The following DERA variants were observed in gnomAD, a reference collection of about 807,000 sequenced individuals.
DERA encodes the protein deoxyribose-phosphate aldolase, also known as 2-deoxy-D-ribose 5-phosphate aldolase.
In DERA, 15 loss-of-function variants were observed where a neutral mutation model predicts 41.1. The observed-to-expected ratio is 0.37, with a 90% CI of 0.24 to 0.56. The LOEUF is 0.56. DERA is among the 20% of genes least tolerant of loss of function. The pLI is 0.81. For missense variants in DERA, 396 were observed against 403.4 expected, an observed-to-expected ratio of 0.98 and a Z score of 0.16; for synonymous variants, 139 against 137.4, an observed-to-expected ratio of 1.01 and a Z score of -0.08.
rs951770002 is a variant in DERA, at chr12:16,019,468, T to C, written c.638-13074T>C. On this transcript the variant is annotated intron_variant, in intron 6 of 8. Coordinates refer to ENST00000428559, the MANE Select transcript of DERA (RefSeq NM_015954.4). This position sits in a 1 kb window ranked among gnomAD's most constrained non-coding sequence, Gnocchi z 4.4. ...CAATGTCTGTGGGTTCAAAGCTCTC[T>C]ATAATATTTTCCTAAGGGATATTTA... Among the ~76,000 whole-genome samples, 2 of 152,220 alleles carry C rather than the reference T, an allele frequency of 1.3e-5. No homozygotes were observed. The highest frequency in any genetic ancestry group is 2.4e-5 in the African/African-American group (1 of 41,448).
At position 15,996,590 on chromosome 12, in the gene DERA, C is replaced by T. The variant is rs1298065390; in HGVS notation, c.637+14154C>T. Among the ~76,000 whole-genome samples the T allele has an allele frequency of 6.6e-6, 1 of 152,154 alleles. No individual in the cohort carries two copies. The highest frequency in any genetic ancestry group is 1.5e-5 in the Non-Finnish European group (1 of 68,036). On this transcript the variant is annotated intron_variant, in intron 6 of 8. Coordinates refer to ENST00000428559, the MANE Select transcript of DERA (RefSeq NM_015954.4). The surrounding 1 kb of genome is among the most constrained non-coding windows in gnomAD (Gnocchi z 4.7). ...AATGGCCCACCTTACTCAGTATGAC[C>T]TTATCTTAACTAATGACATCTTCAG...
Position 15,998,564 on chromosome 12 carries a change from G to A in DERA, c.637+16128G>A, listed in dbSNP as rs1948854732. 6.6e-6 allele frequency among the ~76,000 whole-genome samples: 1 copy of A among 152,054 alleles called. No individual in the cohort carries two copies. The highest frequency in any genetic ancestry group is 1.5e-5 in the Non-Finnish European group (1 of 68,012). On this transcript the variant is annotated intron_variant, in intron 6 of 8. Coordinates refer to ENST00000428559, the MANE Select transcript of DERA (RefSeq NM_015954.4). This position sits in a 1 kb window ranked among gnomAD's most constrained non-coding sequence, Gnocchi z 4.8. ...ACTCCTGACCTCAGGTGATCCGCCT[G>A]CCTCAGCCTCCCAATGTGCTGGAAT... is the stretch of plus-strand genomic sequence containing the variant.
chr12:15,995,416 T>TAAAA lies in DERA; in HGVS notation c.637+12980_637+12981insAAAA, dbSNP rs1565608714. Among the ~76,000 whole-genome samples the TAAAA allele has an allele frequency of 2.6e-5, 4 of 152,060 alleles. No homozygotes were observed. The highest frequency in any genetic ancestry group is 7.3e-5 in the African/African-American group (3 of 41,374). ...AGAGCTAAAAGATCTCTTCTCAGGC[T>TAAAA]GCTTCCACTGTTATTTGTGTTTAGC... On this transcript the variant is annotated intron_variant, in intron 6 of 8. Transcript: ENST00000428559. The surrounding 1 kb of genome is among the most constrained non-coding windows in gnomAD (Gnocchi z 5.1).
chr12:16,029,367 C>T (rs1209186754), intron 6 of DERA, among the ~76,000 whole-genome samples: 1 of 152,080 alleles, frequency 6.6e-6, no homozygotes, highest in Non-Finnish European at 1.5e-5. Flanking sequence ...AGCTTGCTTG[C>T]AGTGAGCCGA....
intron 5 of DERA, among the ~76,000 whole-genome samples, chr12:15,969,770 G>C (rs1354651836): frequency 6.6e-6 from 1 of 152,146 alleles, no homozygotes; most frequent in Non-Finnish European, 1.5e-5. Flanking sequence ...ATGGTAGAAA[G>C]AACATCTCAA....
chr12:16,020,601 G>A lies in DERA; in HGVS notation c.638-11941G>A, dbSNP rs1949012094. Among the ~76,000 whole-genome samples the A allele has an allele frequency of 6.6e-6, 1 of 152,224 alleles. No homozygotes were observed. The highest frequency in any genetic ancestry group is 1.5e-5 in the Non-Finnish European group (1 of 68,046). The stretch of plus-strand genomic sequence containing the variant: ...AGCAGCTTTGGAACTGGGTAATGGA[G>A]AGGTTGGAAGAGTTTGGAGGGCCCA... On this transcript the variant is annotated intron_variant, in intron 6 of 8. Transcript: ENST00000428559. This position sits in a 1 kb window ranked among gnomAD's most constrained non-coding sequence, Gnocchi z 5.5.
rs1592016787 is a variant in DERA, at chr12:15,954,424, G to A, written c.32-2512G>A. ...TTTCATGGAAGCACGAAGAAGCAAAGGGATGTCTCAACCTGTGAGGTTCAG... is the reference window on the plus strand; with the variant it reads ...TTTCATGGAAGCACGAAGAAGCAAAAGGATGTCTCAACCTGTGAGGTTCAG... On this transcript the variant is annotated intron_variant, in intron 1 of 8. Transcript: ENST00000428559. The surrounding 1 kb of genome is among the most constrained non-coding windows in gnomAD (Gnocchi z 4.0). Among the ~76,000 whole-genome samples the A allele has an allele frequency of 6.6e-6, 1 of 152,194 alleles. No homozygotes were observed. The highest frequency in any genetic ancestry group is 2.4e-5 in the African/African-American group (1 of 41,452).
intron 1 of DERA, among the ~76,000 whole-genome samples, chr12:15,920,610 G>A (rs1459221580): frequency 6.6e-6 from 1 of 152,070 alleles, no homozygotes; most frequent in African/African-American, 2.4e-5. Flanking sequence ...TGAGGCGGGC[G>A]GATCATGAGA....
rs1338445308 is a variant in DERA, at chr12:15,989,329, A to G, written c.637+6893A>G. On this transcript the variant is annotated intron_variant, in intron 6 of 8. Transcript: ENST00000428559. This position sits in a 1 kb window ranked among gnomAD's most constrained non-coding sequence, Gnocchi z 5.2. Reference sequence around the variant, plus strand: ...CTTTGATCCTTATTTTCTATTTCAAATTGGCTTTTAAGCCTATCCAGTGAA... The same window carrying G: ...CTTTGATCCTTATTTTCTATTTCAAGTTGGCTTTTAAGCCTATCCAGTGAA... Among the ~76,000 whole-genome samples, 1 of 152,234 alleles carries G rather than the reference A, an allele frequency of 6.6e-6. No homozygotes were observed. Among genetic ancestry groups the G allele is most frequent in the African/African-American group, 2.4e-5 (1 of 41,466 alleles).
rs1365652412 is a variant in DERA at position 16,000,784 on chromosome 12, A to G, written c.637+18348A>G. Among the ~76,000 whole-genome samples the G allele has an allele frequency of 6.6e-6, 1 of 152,224 alleles. No homozygotes were observed. The highest frequency in any genetic ancestry group is 1.5e-5 in the Non-Finnish European group (1 of 68,044). ...AATATTCCTGTTTATTTTTTAATAA[A>G]AAGAAAAAGCATATATGTTACCTCA... On this transcript the variant is annotated intron_variant, in intron 6 of 8. Transcript: ENST00000428559. The surrounding 1 kb of genome is among the most constrained non-coding windows in gnomAD (Gnocchi z 4.8).
Position 15,936,969 on chromosome 12 carries a change from C to T in DERA, c.32-19967C>T, listed in dbSNP as rs77015485. ...TCCCGTCCTGTCCTGCCCTGCCCTG[C>T]CCTGTCTTGTCTTTCTTTTTTGAGA... On this transcript the variant is annotated intron_variant, in intron 1 of 8. Transcript: ENST00000428559. The surrounding 1 kb of genome is among the most constrained non-coding windows in gnomAD (Gnocchi z 4.6). Among the ~76,000 whole-genome samples, 2,917 of 144,604 alleles carry T rather than the reference C, an allele frequency of 0.02. 122 individuals carry two copies. Among genetic ancestry groups the T allele is most frequent in the African/African-American group, 0.079 (2,756 of 34,690 alleles). The allele number at this position is 144,604 out of a possible 152,430, so 94.9% of individuals were successfully genotyped here. A position where few individuals can be genotyped will look rare whatever the true frequency, so the allele number is the denominator to read the frequency against.
rs1212881030 is a variant in DERA, at chr12:15,921,610, A to G, written c.31+10196A>G. Among the ~76,000 whole-genome samples the G allele has an allele frequency of 6.6e-6, 1 of 152,038 alleles. No homozygotes were observed. Reference sequence around the variant, plus strand: ...TTTTTTCTTCAGTAAGTAGCAAGAAACTTAAGTGCTTCTAATAATTTTCCA... The same window carrying G: ...TTTTTTCTTCAGTAAGTAGCAAGAAGCTTAAGTGCTTCTAATAATTTTCCA... On this transcript the variant is annotated intron_variant, in intron 1 of 8. Coordinates refer to ENST00000428559, the MANE Select transcript of DERA (RefSeq NM_015954.4). This position sits in a 1 kb window ranked among gnomAD's most constrained non-coding sequence, Gnocchi z 5.3.
rs1233724550 is a variant in DERA, at chr12:15,985,849, G to A, written c.637+3413G>A. Among the ~76,000 whole-genome samples the A allele has an allele frequency of 1.3e-5, 2 of 152,106 alleles. No individual in the cohort carries two copies. The highest frequency in any genetic ancestry group is 6.5e-5 in the Admixed American group (1 of 15,282). On this transcript the variant is annotated intron_variant, in intron 6 of 8. Transcript: ENST00000428559. This position sits in a 1 kb window ranked among gnomAD's most constrained non-coding sequence, Gnocchi z 4.2. ...ACTTAAAAGAATGTGTATTTCAGAT[G>A]TTAGAGCAAATGTCAGATCGAATTG...
Position 15,959,777 on chromosome 12 carries a change from T to A in DERA, c.278-52T>A. 8.0e-7 allele frequency: 1 copy of A among 1,252,816 alleles called. No homozygotes were observed. The highest frequency in any genetic ancestry group is 1.4e-5 in the South Asian group (1 of 72,348). 77.6% of individuals were successfully genotyped at this position (1,252,816 alleles called of 1,614,324 possible). ...ATATAAATAATAATTAAAAGCATGT[T>A]GTATGAGTTGAACTTCATTGAAAGT... On this transcript the variant is annotated intron_variant, in intron 3 of 8. Transcript: ENST00000428559. This position sits in a 1 kb window ranked among gnomAD's most constrained non-coding sequence, Gnocchi z 4.5.
chr12:15,987,054 T>C (rs947242986), intron 6 of DERA, among the ~76,000 whole-genome samples: 1 of 152,140 alleles, frequency 6.6e-6, no homozygotes, highest in East Asian at 1.9e-4. Context: ...CTTATCTTAC[T>C]CTAGCTATGG....
chr12:15,928,012 T>A lies in DERA; in HGVS notation c.31+16598T>A, dbSNP rs1948299910. ...TGGCTCAAAAATAGTTAAAACTTTT[T>A]AAATTGGAAAATAATAATTATCTAT... On this transcript the variant is annotated intron_variant, in intron 1 of 8. Transcript: ENST00000428559. This position sits in a 1 kb window ranked among gnomAD's most constrained non-coding sequence, Gnocchi z 4.6. Among the ~76,000 whole-genome samples the A allele has an allele frequency of 6.8e-6, 1 of 146,532 alleles. No homozygotes were observed. The highest frequency in any genetic ancestry group is 2.1e-4 in the South Asian group (1 of 4,730).
rs1041292476 is a variant in DERA, at chr12:15,918,838, T to C, written c.31+7424T>C. On this transcript the variant is annotated intron_variant, in intron 1 of 8. Coordinates refer to ENST00000428559, the MANE Select transcript of DERA (RefSeq NM_015954.4). The surrounding 1 kb of genome is among the most constrained non-coding windows in gnomAD (Gnocchi z 4.3). ...CCAGGGAGGGTTTTTTTGGAGAGGA[T>C]GTTTCTGACGGAGTAGTTTCTACAA... Among the ~76,000 whole-genome samples, 4 of 152,118 alleles carry C rather than the reference T, an allele frequency of 2.6e-5. No individual in the cohort carries two copies. Among genetic ancestry groups the C allele is most frequent in the Non-Finnish European group, 5.9e-5 (4 of 68,024 alleles).
In DERA at chr12:15,943,787, G is replaced by T. The variant is rs573167505; in HGVS notation, c.32-13149G>T. The stretch of plus-strand genomic sequence containing the variant: ...ATACATATGCACAATGTGCAGGTTT[G>T]TTACATGTGTATACATGTGCCATGT... On this transcript the variant is annotated intron_variant, in intron 1 of 8. Coordinates refer to ENST00000428559, the MANE Select transcript of DERA (RefSeq NM_015954.4). The surrounding 1 kb of genome is among the most constrained non-coding windows in gnomAD (Gnocchi z 4.5). Among the ~76,000 whole-genome samples the T allele has an allele frequency of 2.0e-5, 3 of 151,016 alleles. No homozygotes were observed. The highest frequency in any genetic ancestry group is 4.9e-5 in the African/African-American group (2 of 41,070).
chr12:15,968,023 T>A (rs1948635046), intron 5 of DERA, among the ~76,000 whole-genome samples: 1 of 152,010 alleles, frequency 6.6e-6, no homozygotes, highest in Non-Finnish European at 1.5e-5. Flanking sequence ...GATTTTGTTC[T>A]CCTTCCCCAC....
Sources: allele counts gnomAD v4.1 joint callset (sites outside exome capture counted in the v4.1 genomes callset), GRCh38; gene constraint gnomAD v4.1.1; non-coding constraint Gnocchi (gnomAD v3.1); transcripts MANE v1.5; gene names NCBI Gene and HGNC (gene_info 2026-07-23, HGNC 2026-07-21).